Variants in CNTN1 observed in about 807,000 individuals in gnomAD.
CNTN1 encodes contactin 1.
A neutral mutation model predicts 126.4 loss-of-function variants in CNTN1; 38 were observed. The ratio of observed to expected loss-of-function variants is 0.30; its 90% CI spans 0.23 to 0.39. CNTN1 has a LOEUF of 0.39. Among genes scored for constraint, CNTN1 ranks in the 10% least tolerant of loss-of-function variants. The pLI is 1.00. For missense variants in CNTN1, 1,009 were observed against 1,248.4 expected (o/e 0.81, Z 2.89); for synonymous variants, 413 against 422.6 (o/e 0.98, Z 0.28).
chr12:41,012,510 T>G (rs771511942), intron 17 of CNTN1, among the ~76,000 whole-genome samples: 1 of 152,138 alleles, frequency 6.6e-6, no homozygotes, highest in Non-Finnish European at 1.5e-5. Context: ...CTGGGGTCAG[T>G]CCAGTAGCCT....
chr12:41,036,987 T>C (rs755968069), intron 23 of CNTN1, among the ~76,000 whole-genome samples: 25 of 152,218 alleles, frequency 1.6e-4, no homozygotes, highest in Non-Finnish European at 3.2e-4. Flanking sequence ...AATATACAGA[T>C]GTATTTGACA....
intron 17 of CNTN1, among the ~76,000 whole-genome samples, chr12:40,995,975 G>A (rs1247005719): frequency 6.6e-6 from 1 of 152,216 alleles, no homozygotes; most frequent in Admixed American, 6.5e-5. Flanking sequence ...GGCAGAGCTG[G>A]GATTCAAATC....
chr12:40,961,926 T>C (rs1032419856), intron 15 of CNTN1, among the ~76,000 whole-genome samples: 1 of 151,728 alleles, frequency 6.6e-6, no homozygotes, highest in African/African-American at 2.4e-5. Context: ...AGTAGAAATC[T>C]ATAAGAACTT....
intron 23 of CNTN1, among the ~76,000 whole-genome samples, chr12:41,040,588 A>C (rs921717903): frequency 2.0e-5 from 3 of 151,816 alleles, no homozygotes; most frequent in Admixed American, 6.6e-5. Flanking sequence ...CTTTTATTTC[A>C]TTGAGCAGTG....
At position 41,036,304 on chromosome 12, in the gene CNTN1, G is replaced by A. The variant is rs116577604; in HGVS notation, c.2980+7085G>A. ...GTAGTGTCCACATTTTTACCCCAGG[G>A]AGATGCAGGAGGGCATTGAGAGCAA... On this transcript the variant is annotated intron_variant, in intron 23 of 23. Coordinates refer to ENST00000551295, the MANE Select transcript of CNTN1 (RefSeq NM_001843.4). Among the ~76,000 whole-genome samples the A allele has an allele frequency of 1.8e-3, 271 of 152,250 alleles. 1 individual carries two copies. The highest frequency in any genetic ancestry group is 5.9e-3 in the African/African-American group (247 of 41,558).
Position 40,929,918 on chromosome 12 carries a change from G to A in CNTN1, c.619G>A (p.Gly207Ser). ...YIANVEASDKGNYSCFVSSPS... is the reference protein window; with the variant it reads ...YIANVEASDKSNYSCFVSSPS... ...TGCAAATGTTGAGGCTTCCGACAAA[G>A]GCAATTATTCCTGCTTTGTTTCCAG... Residue 207 changes from glycine (G) to serine (S), a missense_variant, in exon 7 of 24, where the codon GGC becomes AGC. Coordinates refer to ENST00000551295, the MANE Select transcript of CNTN1 (RefSeq NM_001843.4). 3.1e-6 allele frequency: 5 copies of A among 1,612,988 alleles called. No homozygotes were observed. The highest frequency in any genetic ancestry group is 4.2e-6 in the Non-Finnish European group (5 of 1,179,216).
At chr12:40,746,065 A>G (rs769530905) in intron 1 of CNTN1, among the ~76,000 whole-genome samples, 10 of 152,196 alleles carry the variant, frequency 6.6e-5, no homozygotes, top group Non-Finnish European at 1.0e-4. Flanking sequence ...ACAGTAAAAC[A>G]TATTCAACTT....
At chr12:40,918,582 A>C in intron 3 of CNTN1, 57 bp from the exon 4 acceptor site, 1 of 1,507,244 alleles carries the variant, frequency 6.6e-7, no homozygotes, top group Non-Finnish European at 9.1e-7. Flanking sequence ...CAATGTTCTC[A>C]AATTTTCTTT....
chr12:40,924,387 C>T (rs563442407), intron 5 of CNTN1, among the ~76,000 whole-genome samples, 170 bp from the exon 6 acceptor site: 4 of 152,214 alleles, frequency 2.6e-5, no homozygotes, highest in Non-Finnish European at 5.9e-5. Flanking sequence ...ATAGTCTATA[C>T]AAAATCTCAG....
rs538536696 is a variant in CNTN1, at chr12:40,949,418, A to AC, written c.1683+5255dup. Reference sequence around the variant, plus strand: ...AGGTATATCTCCCGATGCTATCCCTACCCCCCCTCCCCCCACCCCACAACA... The same window carrying AC: ...AGGTATATCTCCCGATGCTATCCCTACCCCCCCCTCCCCCCACCCCACAACA... On this transcript the variant is annotated intron_variant, in intron 14 of 23. Transcript: ENST00000551295. Among the ~76,000 whole-genome samples the AC allele has an allele frequency of 1.3e-3, 104 of 83,142 alleles. 1 individual carries two copies. Among genetic ancestry groups the AC allele is most frequent in the African/African-American group, 4.3e-3 (92 of 21,394 alleles). 54.5% of individuals were successfully genotyped at this position (83,142 alleles called of 152,430 possible). A position where few individuals can be genotyped will look rare whatever the true frequency, so the allele number is the denominator to read the frequency against.
intron 7 of CNTN1, among the ~76,000 whole-genome samples, chr12:40,932,379 TTCCACCATGATTA>T (rs141500762): frequency 0.13 from 20,487 of 151,940 alleles, 1,454 homozygotes; most frequent in African/African-American, 0.17. Context: ...TTCCTTAATC[TTCCACCATGATTA>T]TGAGGCCTAC....
chr12:40,845,746 G>T (rs1444760480), intron 1 of CNTN1, among the ~76,000 whole-genome samples: 1 of 152,166 alleles, frequency 6.6e-6, no homozygotes, highest in African/African-American at 2.4e-5. Flanking sequence ...GCACACTGGG[G>T]TATGGGGAGC....
At chr12:40,726,376 TCA>T (rs1423360192) in intron 1 of CNTN1, among the ~76,000 whole-genome samples, 2 of 152,206 alleles carry the variant, frequency 1.3e-5, no homozygotes, top group African/African-American at 4.8e-5. Flanking sequence ...TTTCATTGAC[TCA>T]CAGTTCTGCA....
intron 17 of CNTN1, among the ~76,000 whole-genome samples, chr12:41,007,045 G>GTTTTTTTTTTT (rs71078294): frequency 2.9e-5 from 2 of 69,200 alleles, no homozygotes; most frequent in African/African-American, 6.2e-5. Flanking sequence ...GTTTTGTGTG[G>GTTTTTTTTTTT]TTTTTTTTTT....
intron 23 of CNTN1, among the ~76,000 whole-genome samples, chr12:41,046,847 CTT>C (rs56655599): frequency 0.069 from 8,176 of 118,616 alleles, 105 homozygotes; most frequent in African/African-American, 0.14. Flanking sequence ...TTGCTTATTT[CTT>C]TTTTTTTTTT....
At chr12:40,822,979 T>C (rs1941499728) in intron 1 of CNTN1, among the ~76,000 whole-genome samples, 1 of 152,174 alleles carries the variant, frequency 6.6e-6, no homozygotes, top group African/African-American at 2.4e-5. Context: ...TAGCTCCCAC[T>C]TATAATTGAG....
chr12:40,842,200 C>A (rs1213880628), intron 1 of CNTN1, among the ~76,000 whole-genome samples: 1 of 151,884 alleles, frequency 6.6e-6, no homozygotes, highest in African/African-American at 2.4e-5. Context: ...GTTGCATGTA[C>A]CCTGCTGAAA....
At chr12:40,819,416 A>C (rs1225882424) in intron 1 of CNTN1, among the ~76,000 whole-genome samples, 3 of 151,928 alleles carry the variant, frequency 2.0e-5, no homozygotes, top group Non-Finnish European at 4.4e-5. Context: ...AGCCCCACCC[A>C]CTGAGGAAGG....
At chr12:40,824,820 T>C (rs1385833350) in intron 1 of CNTN1, among the ~76,000 whole-genome samples, 1 of 152,134 alleles carries the variant, frequency 6.6e-6, no homozygotes, top group Admixed American at 6.6e-5. Context: ...AATGCTCCCA[T>C]GGGTAAATGA....
Sources: allele counts gnomAD v4.1 joint callset (sites outside exome capture counted in the v4.1 genomes callset), GRCh38; gene constraint gnomAD v4.1.1; transcripts MANE v1.5; gene names NCBI Gene and HGNC (gene_info 2026-07-23, HGNC 2026-07-21).